INPP4B: variants seen among roughly 807,000 people sequenced by gnomAD.
The protein encoded by INPP4B is inositol polyphosphate-4-phosphatase type II B.
In INPP4B, 55 loss-of-function variants were observed where a neutral mutation model predicts 122.5. The ratio of observed to expected loss-of-function variants is 0.45; its 90% CI spans 0.36 to 0.56. INPP4B has a LOEUF of 0.56. Ranked by LOEUF, INPP4B falls within the 20% of genes least tolerant of loss-of-function variation. INPP4B has a pLI of 0.00. For synonymous variants in INPP4B, 403 were observed against 388.7 expected (o/e 1.04, Z -0.43); for missense variants, 1,000 against 1,097.7 (o/e 0.91, Z 1.26).
Position 142,209,086 on chromosome 4 carries a change from C to A in INPP4B, c.837-60G>T, listed in dbSNP as rs999179967. On this transcript the variant is annotated intron_variant, in intron 12 of 25. Coordinates refer to ENST00000262992, the MANE Select transcript of INPP4B (RefSeq NM_001101669.3). ...TTATCTTAAATCCATAAACGCATAA[C>A]CCTTAGTCAGAGTTGTCAAGATAAT... is the stretch of plus-strand genomic sequence containing the variant. 1.2e-5 allele frequency: 15 copies of A among 1,266,260 alleles called. No individual in the cohort carries two copies. The East Asian group carries it at 3.4e-4, about 29-fold the overall frequency. 78.4% of individuals were successfully genotyped at this position (1,266,260 alleles called of 1,614,324 possible). A position where few individuals can be genotyped will look rare whatever the true frequency, so the allele number is the denominator to read the frequency against.
At chr4:142,397,042 G>C (rs553843478) in intron 7 of INPP4B, among the ~76,000 whole-genome samples, 1 of 152,322 alleles carries the variant, frequency 6.6e-6, no homozygotes, top group African/African-American at 2.4e-5. Context: ...TCATGGAACA[G>C]AACAGTTAAG....
At chr4:142,700,783 T>C (rs1385678550) in intron 2 of INPP4B, among the ~76,000 whole-genome samples, 1 of 152,204 alleles carries the variant, frequency 6.6e-6, no homozygotes, top group Non-Finnish European at 1.5e-5. Context: ...TTTGTGTTTG[T>C]GCATCAGTGA....
intron 2 of INPP4B, among the ~76,000 whole-genome samples, chr4:142,537,429 TAGAGAGAGAGAGAGAGAGAGAG>T (rs1157643466): frequency 7.8e-5 from 2 of 25,486 alleles, no homozygotes; most frequent in East Asian, 6.6e-4. Context: ...TATATATATA[TAGAGAGAGAGAGAGAGAGAGAG>T]AGAGAGAGAG....
intron 1 of INPP4B, among the ~76,000 whole-genome samples, chr4:142,797,935 A>G (rs1413006345): frequency 6.6e-6 from 1 of 151,952 alleles, no homozygotes; most frequent in Admixed American, 6.6e-5. Context: ...AAGACACAAG[A>G]AATAACAACA....
intron 2 of INPP4B, among the ~76,000 whole-genome samples, chr4:142,505,205 C>T (rs934601662): frequency 6.7e-6 from 1 of 149,554 alleles, no homozygotes; most frequent in Non-Finnish European, 1.5e-5. Flanking sequence ...TGTCACTGAA[C>T]TCCAGCCTGG....
chr4:142,078,231 T>C (rs1264407676), intron 25 of INPP4B, among the ~76,000 whole-genome samples: 1 of 152,038 alleles, frequency 6.6e-6, no homozygotes, highest in Non-Finnish European at 1.5e-5. Context: ...AAGGGTGGAT[T>C]CAGGTGGTGA....
In INPP4B at chr4:142,082,179, G is replaced by C; in HGVS notation, c.2494C>G (p.Arg832Gly). 1 of 1,509,038 alleles carries C rather than the reference G, an allele frequency of 6.6e-7. No homozygotes were observed. Among genetic ancestry groups the C allele is most frequent in the Non-Finnish European group, 9.0e-7 (1 of 1,107,340 alleles). 93.5% of individuals were successfully genotyped at this position (1,509,038 alleles called of 1,614,324 possible). A position where few individuals can be genotyped will look rare whatever the true frequency, so the allele number is the denominator to read the frequency against. ...EIMWLAATICRKLNGIRFTCC... is the reference protein window; with the variant it reads ...EIMWLAATICGKLNGIRFTCC... Reference sequence around the variant, plus strand: ...GTGAAACGAATACCATTCAGTTTGCGGCAAATCTGTAACATATGTAAGAAC... The same window carrying C: ...GTGAAACGAATACCATTCAGTTTGCCGCAAATCTGTAACATATGTAAGAAC... The change falls in exon 25 of 26, where the codon CGC becomes GGC. Residue 832 changes from arginine to glycine, a missense_variant. Arg to Gly is a moderately radical substitution (Grantham distance 125, BLOSUM62 -2). Coordinates refer to ENST00000262992, the MANE Select transcript of INPP4B (RefSeq NM_001101669.3).
intron 7 of INPP4B, among the ~76,000 whole-genome samples, chr4:142,347,952 T>C (rs1289793174): frequency 1.3e-5 from 2 of 152,050 alleles, no homozygotes; most frequent in Non-Finnish European, 2.9e-5. Context: ...TGAACTATAA[T>C]TGTCAGAAAC....
chr4:142,598,997 T>C (rs1404969915), intron 2 of INPP4B, among the ~76,000 whole-genome samples: 1 of 152,178 alleles, frequency 6.6e-6, no homozygotes, highest in Non-Finnish European at 1.5e-5. Context: ...CTACTTTGTA[T>C]AGTGTTGTGA....
At chr4:142,091,903 T>C (rs1293216073) in intron 23 of INPP4B, among the ~76,000 whole-genome samples, 1 of 152,190 alleles carries the variant, frequency 6.6e-6, no homozygotes, top group East Asian at 1.9e-4. Flanking sequence ...TCAGAAATTA[T>C]GGCTGCCTTC....
chr4:142,355,184 A>G (rs962802995), intron 7 of INPP4B, among the ~76,000 whole-genome samples: 3 of 152,080 alleles, frequency 2.0e-5, no homozygotes, highest in African/African-American at 7.2e-5. Flanking sequence ...AAGCCACATT[A>G]TATCACTTCT....
chr4:142,135,142 A>T (rs1803390686), intron 18 of INPP4B, among the ~76,000 whole-genome samples: 1 of 152,344 alleles, frequency 6.6e-6, no homozygotes, highest in Admixed American at 6.5e-5. Context: ...GTCAACAGCA[A>T]TGGTAGATCC....
chr4:142,143,642 A>G (rs2152835726), intron 18 of INPP4B, among the ~76,000 whole-genome samples: 1 of 152,236 alleles, frequency 6.6e-6, no homozygotes, highest in Non-Finnish European at 1.5e-5. Flanking sequence ...AAAAATGGAT[A>G]AATAAATACA....
chr4:142,561,410 TTTTG>T (rs3078625), intron 2 of INPP4B, among the ~76,000 whole-genome samples: 46,935 of 151,454 alleles, frequency 0.31, 8,384 homozygotes, highest in East Asian at 0.79. Context: ...TTCTTTGTTT[TTTTG>T]TTTGTTTGTT....
chr4:142,313,386 A>G (rs1463815522), intron 8 of INPP4B, among the ~76,000 whole-genome samples: 1 of 152,212 alleles, frequency 6.6e-6, no homozygotes, highest in Non-Finnish European at 1.5e-5. Context: ...CCCCATATTA[A>G]TACTTTAAAA....
chr4:142,095,528 G>A (rs180902756), intron 23 of INPP4B, among the ~76,000 whole-genome samples: 1 of 152,124 alleles, frequency 6.6e-6, no homozygotes, highest in Non-Finnish European at 1.5e-5. Context: ...CAAAAGGGAT[G>A]ATGAGTCTCA....
chr4:142,311,456 C>G (rs1765483875), intron 8 of INPP4B, among the ~76,000 whole-genome samples: 1 of 152,086 alleles, frequency 6.6e-6, no homozygotes, highest in Non-Finnish European at 1.5e-5. Flanking sequence ...TCTGGTGGTT[C>G]TAATAATACA....
At chr4:142,029,030 T>C (rs1738026578) in intron 25 of INPP4B, 116 bp from the exon 26 acceptor site, 1 of 1,433,354 alleles carries the variant, frequency 7.0e-7, no homozygotes, top group East Asian at 2.5e-5. Context: ...GATTCAACTC[T>C]ACATTTTTTT....
intron 2 of INPP4B, among the ~76,000 whole-genome samples, chr4:142,523,348 T>A (rs1826355863): frequency 6.6e-6 from 1 of 152,120 alleles, no homozygotes; most frequent in South Asian, 2.1e-4. Flanking sequence ...GAGGTGATGC[T>A]GAGACACAAG....
Sources: allele counts gnomAD v4.1 joint callset (sites outside exome capture counted in the v4.1 genomes callset), GRCh38; gene constraint gnomAD v4.1.1; transcripts MANE v1.5; gene names NCBI Gene and HGNC (gene_info 2026-07-23, HGNC 2026-07-21).